Variants in DDX10 observed in about 807,000 individuals in gnomAD.
The protein encoded by DDX10 is DEAD-box helicase 10, also known as probable ATP-dependent RNA helicase DDX10.
In DDX10, 74 loss-of-function variants were observed where a neutral mutation model predicts 104.3. The ratio of observed to expected loss-of-function variants is 0.71; its 90% CI spans 0.59 to 0.86. The LOEUF (loss-of-function observed/expected upper bound fraction) is 0.86, where lower values mean the gene tolerates loss of function less well. DDX10 is among the 40% of genes least tolerant of loss of function. DDX10 has a pLI of 0.00. For synonymous variants in DDX10, 351 were observed against 353.4 expected (o/e 0.99, Z 0.08); for missense variants, 952 against 1,040.0 (o/e 0.92, Z 1.16).
chr11:108,768,629 T>C (rs189075193), intron 13 of DDX10, among the ~76,000 whole-genome samples: 11 of 152,340 alleles, frequency 7.2e-5, no homozygotes, highest in African/African-American at 2.6e-4. Flanking sequence ...AGAGCATACT[T>C]GAGGTAACTA....
chr11:108,864,343 A>G (rs7950254), intron 16 of DDX10, among the ~76,000 whole-genome samples: 5,837 of 152,140 alleles, frequency 0.038, 416 homozygotes, highest in African/African-American at 0.13. Context: ...GTGTTCATGC[A>G]GTATATATGT....
chr11:108,767,135 A>G (rs1462787), intron 13 of DDX10, among the ~76,000 whole-genome samples: 109,859 of 151,910 alleles, frequency 0.72, 40,060 homozygotes, highest in Admixed American at 0.79. Context: ...AATTGTCTTT[A>G]GCATCTTCAT....
At chr11:108,823,343 G>A (rs1332892574) in intron 13 of DDX10, among the ~76,000 whole-genome samples, 2 of 152,166 alleles carry the variant, frequency 1.3e-5, no homozygotes, top group Admixed American at 1.3e-4. Context: ...AGTTGTAAAC[G>A]TAGCTTGGTT....
At chr11:108,926,332 T>C (rs1863908288) in intron 17 of DDX10, among the ~76,000 whole-genome samples, 1 of 151,882 alleles carries the variant, frequency 6.6e-6, no homozygotes, top group South Asian at 2.1e-4. Flanking sequence ...ACGAGAAAAA[T>C]AGAGTGGGGC....
chr11:108,665,339 G>A lies in DDX10; in HGVS notation c.186G>A (p.Lys62=). 1 of 1,569,168 alleles carries A rather than the reference G, an allele frequency of 6.4e-7. No homozygotes were observed. Reference sequence around the variant, plus strand: ...GCCGCCTCATGCAGAACTATGAAAAGGTGAGGCCGGCGCTGGGGAGGGGGC... The same window carrying A: ...GCCGCCTCATGCAGAACTATGAAAAAGTGAGGCCGGCGCTGGGGAGGGGGC... The part of the protein sequence containing the change: ...SISRLMQNYE[K]INVNEITRFS... Residue 62 remains lysine, a splice_region_variant and synonymous_variant, in exon 1 of 18, where the codon AAG becomes AAA. Transcript: ENST00000322536.
chr11:108,671,571 A>G (rs897428001), intron 1 of DDX10, among the ~76,000 whole-genome samples: 1 of 152,234 alleles, frequency 6.6e-6, no homozygotes, highest in African/African-American at 2.4e-5. Context: ...CTTTTTCTGT[A>G]AAGGGCTGGA....
At chr11:108,684,176 C>CTTTTTTTTTTTTTTTATTTTTTTTT (rs55949043) in intron 6 of DDX10, among the ~76,000 whole-genome samples, 1 of 26,672 alleles carries the variant, frequency 3.7e-5, no homozygotes, top group Non-Finnish European at 6.3e-5. Flanking sequence ...TATAGATTTT[C>CTTTTTTTTTTTTTTTATTTTTTTTT]TTTTTTTTTT....
At chr11:108,833,332 T>C (rs1862498623) in intron 13 of DDX10, among the ~76,000 whole-genome samples, 1 of 152,264 alleles carries the variant, frequency 6.6e-6, no homozygotes, top group South Asian at 2.1e-4. Context: ...AGTTGTTTCA[T>C]ATCTTTTTCC....
intron 16 of DDX10, among the ~76,000 whole-genome samples, chr11:108,859,470 T>C (rs1406632056): frequency 6.6e-6 from 1 of 152,086 alleles, no homozygotes; most frequent in East Asian, 1.9e-4. Context: ...GCTGTGTGTG[T>C]ACATATCCCT....
chr11:108,797,336 C>T (rs1861957998), intron 13 of DDX10, among the ~76,000 whole-genome samples: 1 of 152,058 alleles, frequency 6.6e-6, no homozygotes, highest in Non-Finnish European at 1.5e-5. Flanking sequence ...CCAGCCTAAA[C>T]TTTTGTTCTT....
intron 13 of DDX10, among the ~76,000 whole-genome samples, chr11:108,831,437 A>G (rs1647813167): frequency 6.6e-6 from 1 of 150,970 alleles, no homozygotes; most frequent in African/African-American, 2.4e-5. Flanking sequence ...AAAAAAAAAA[A>G]AAAAAAAAGA....
chr11:108,814,444 G>T (rs1565287068), intron 13 of DDX10, among the ~76,000 whole-genome samples: 1 of 152,130 alleles, frequency 6.6e-6, no homozygotes, highest in Admixed American at 6.5e-5. Flanking sequence ...AGCCCCAGGT[G>T]TAGGGAATTC....
In DDX10 at chr11:108,792,404, G is replaced by A. The variant is rs1398495744; in HGVS notation, c.1966-46042G>A. Among the ~76,000 whole-genome samples the A allele has an allele frequency of 2.0e-5, 3 of 152,054 alleles. 1 individual carries two copies. Among genetic ancestry groups the A allele is most frequent in the South Asian group, 4.1e-4 (2 of 4,824 alleles). On this transcript the variant is annotated intron_variant, in intron 13 of 17. Coordinates refer to ENST00000322536, the MANE Select transcript of DDX10 (RefSeq NM_004398.4). ...TCTAATTTTTAGCTCTTGGATTTAGGCATATGATCCATTTTGATTTTAAGT... is the reference window on the plus strand; with the variant it reads ...TCTAATTTTTAGCTCTTGGATTTAGACATATGATCCATTTTGATTTTAAGT...
chr11:108,686,138 G>GTATT (rs1171289528), intron 6 of DDX10, among the ~76,000 whole-genome samples: 1 of 152,084 alleles, frequency 6.6e-6, no homozygotes, highest in Non-Finnish European at 1.5e-5. Flanking sequence ...TGAAAGGAAG[G>GTATT]TACAGAGATT....
intron 14 of DDX10, among the ~76,000 whole-genome samples, chr11:108,838,875 G>A (rs1862597932): frequency 6.6e-6 from 1 of 152,196 alleles, no homozygotes; most frequent in Non-Finnish European, 1.5e-5. Flanking sequence ...GAACAGACAT[G>A]AGAATGCTAA....
At chr11:108,720,875 G>A (rs538903550) in intron 12 of DDX10, among the ~76,000 whole-genome samples, 1 of 150,008 alleles carries the variant, frequency 6.7e-6, no homozygotes, top group African/African-American at 2.4e-5. Context: ...TTACAGGTGT[G>A]AGCCACTGTG....
chr11:108,764,966 A>T (rs1331643487), intron 13 of DDX10, among the ~76,000 whole-genome samples: 5 of 152,270 alleles, frequency 3.3e-5, no homozygotes, highest in African/African-American at 4.8e-5. Flanking sequence ...TAATGACAAC[A>T]TGCAAATGAA....
intron 15 of DDX10, among the ~76,000 whole-genome samples, chr11:108,845,871 T>C (rs1862709890): frequency 6.6e-6 from 1 of 152,218 alleles, no homozygotes. Flanking sequence ...TTGTTTGCTC[T>C]TGCGTTTAAA....
At chr11:108,815,507 C>T (rs1862243519) in intron 13 of DDX10, among the ~76,000 whole-genome samples, 1 of 152,156 alleles carries the variant, frequency 6.6e-6, no homozygotes, top group Admixed American at 6.6e-5. Context: ...TTGAAACAAT[C>T]TGTGTATAAG....
Sources: allele counts gnomAD v4.1 joint callset (sites outside exome capture counted in the v4.1 genomes callset), GRCh38; gene constraint gnomAD v4.1.1; transcripts MANE v1.5; gene names NCBI Gene and HGNC (gene_info 2026-07-23, HGNC 2026-07-21).